Variants in ITPKC observed in about 807,000 individuals in gnomAD.
The protein encoded by ITPKC is inositol-trisphosphate 3-kinase C.
A neutral mutation model predicts 67.1 loss-of-function variants in ITPKC; 33 were observed. That is an observed-to-expected ratio of 0.49 (90% confidence interval 0.37 to 0.66). The LOEUF is 0.66. ITPKC is among the 30% of genes least tolerant of loss of function. ITPKC has a pLI of 0.00. For missense variants in ITPKC, 820 were observed against 892.1 expected (o/e 0.92, Z 1.03); for synonymous variants, 341 against 359.8 (o/e 0.95, Z 0.59).
rs553782619 is a variant in ITPKC at position 40,725,063 on chromosome 19, A to T, written c.1156-277A>T. ...CCTTACTCATAAGATCCTTACTCAT[A>T]AGAGAAGGACAGAGAGACATAGATA... On this transcript the variant is annotated intron_variant, in intron 1 of 6. Transcript: ENST00000263370. 1.3e-5 allele frequency among the ~76,000 whole-genome samples: 2 copies of T among 152,288 alleles called. 1 individual carries two copies. The highest frequency in any genetic ancestry group is 3.9e-4 in the East Asian group (2 of 5,194).
At position 40,717,686 on chromosome 19, in the gene ITPKC, A is replaced by T; in HGVS notation, c.551A>T (p.Gln184Leu). Reference sequence around the variant, plus strand: ...CTGGAAACGCATGGGTCACAGACTCAGCCAGAGAGGGTCAAGTCCTGGGCT... The same window carrying T: ...CTGGAAACGCATGGGTCACAGACTCTGCCAGAGAGGGTCAAGTCCTGGGCT... ...TELETHGSQT[Q>L]PERVKSWADN... Residue 184 changes from glutamine to leucine, a missense_variant, in exon 1 of 7, where the codon CAG becomes CTG. Gln to Leu is a moderately radical substitution (Grantham distance 113, BLOSUM62 -2). Transcript: ENST00000263370. The T allele has an allele frequency of 6.2e-7, 1 of 1,614,102 alleles. No individual in the cohort carries two copies. The highest frequency in any genetic ancestry group is 8.5e-7 in the Non-Finnish European group (1 of 1,179,988).
intron 3 of ITPKC, among the ~76,000 whole-genome samples, chr19:40,731,672 C>A (rs998349118): frequency 6.8e-6 from 1 of 147,704 alleles, no homozygotes; most frequent in African/African-American, 2.5e-5. Flanking sequence ...GCCTGATCCG[C>A]CCGCCTTGGC....
chr19:40,725,825 CA>C (rs1449159092), intron 2 of ITPKC, among the ~76,000 whole-genome samples: 1 of 152,114 alleles, frequency 6.6e-6, no homozygotes, highest in African/African-American at 2.4e-5. Flanking sequence ...AGATTGAGGC[CA>C]GGCACGGTGG....
chr19:40,737,848 C>T, intron 6 of ITPKC, 79 bp downstream of exon 6: 2 of 1,220,832 alleles, frequency 1.6e-6, no homozygotes, highest in Non-Finnish European at 2.4e-6. Flanking sequence ...TGATGAGTTA[C>T]AGGTCAAAGA....
chr19:40,732,708 A>G (rs1429647193), intron 3 of ITPKC, among the ~76,000 whole-genome samples: 1 of 152,064 alleles, frequency 6.6e-6, no homozygotes, highest in Non-Finnish European at 1.5e-5. Flanking sequence ...TTGGGGTTAC[A>G]GATGTGAACA....
At position 40,717,389 on chromosome 19, in the gene ITPKC, C is replaced by T. The variant is rs759609988; in HGVS notation, c.254C>T (p.Pro85Leu). Residue 85 changes from proline (P) to leucine (L), a missense_variant, in exon 1 of 7, where the codon CCG becomes CTG. Around this residue, in one of 2 missense-constraint regions of ITPKC, gnomAD observed 481 missense variants for 470.1 expected, o/e 1.02. Transcript: ENST00000263370. ...GGGCCTGCGCCGGGGACAGAGAGTC[C>T]GCAGGCAGAATTCTGGACAGACGGA... ...GLGPAPGTESPQAEFWTDGQT... is the reference protein window; with the variant it reads ...GLGPAPGTESLQAEFWTDGQT... 1 of 1,613,380 alleles carries T rather than the reference C, an allele frequency of 6.2e-7. No individual in the cohort carries two copies. The highest frequency in any genetic ancestry group is 8.5e-7 in the Non-Finnish European group (1 of 1,179,960).
chr19:40,737,674 C>T (rs1055346078), intron 5 of ITPKC, 24 bp from the exon 6 acceptor site: 1 of 1,611,912 alleles, frequency 6.2e-7, no homozygotes, highest in Non-Finnish European at 8.5e-7. Flanking sequence ...CCATGCTAAC[C>T]AAAGAACGCT....
intron 1 of ITPKC, among the ~76,000 whole-genome samples, chr19:40,719,011 G>A (rs868758252): frequency 2.0e-5 from 3 of 152,220 alleles, no homozygotes; most frequent in African/African-American, 7.2e-5. Context: ...CGGCCGGGCA[G>A]GTTCAGGGAG....
chr19:40,720,920 T>A (rs2082219058), intron 1 of ITPKC, among the ~76,000 whole-genome samples: 1 of 152,112 alleles, frequency 6.6e-6, no homozygotes, highest in African/African-American at 2.4e-5. Context: ...CCTGTCCTTT[T>A]TTTAAAATTG....
chr19:40,731,348 C>T (rs1005660203), intron 3 of ITPKC, among the ~76,000 whole-genome samples: 2 of 152,208 alleles, frequency 1.3e-5, no homozygotes, highest in African/African-American at 4.8e-5. Context: ...CTAATTGATA[C>T]TTGATGACCT....
Position 40,733,178 on chromosome 19 carries a change from G to A in ITPKC, c.1488G>A (p.Glu496=). The A allele has an allele frequency of 8.1e-6, 13 of 1,614,204 alleles. No individual in the cohort carries two copies. The highest frequency in any genetic ancestry group is 1.1e-5 in the Non-Finnish European group (13 of 1,180,016). ...TGCTCAGGACCTATCTGGAAGAGGA[G>A]CTAGTGAAGGCACGGGAACGTCCCC... The part of the protein sequence containing the change: ...KMGSRTYLEE[E]LVKARERPRP... Residue 496 remains glutamate (E), a synonymous_variant, in exon 4 of 7, where the codon GAG becomes GAA. Coordinates refer to ENST00000263370, the MANE Select transcript of ITPKC (RefSeq NM_025194.3).
At chr19:40,732,810 ATTATGTTTTC>A (rs1388062249) in intron 3 of ITPKC, among the ~76,000 whole-genome samples, 2 of 152,112 alleles carry the variant, frequency 1.3e-5, no homozygotes, top group African/African-American at 2.4e-5. Context: ...TCATGCAAAT[ATTATGTTTTC>A]TTCTACAAGC....
chr19:40,737,193 C>T (rs767643150), intron 5 of ITPKC, 106 bp downstream of exon 5: 19 of 802,820 alleles, frequency 2.4e-5, no homozygotes, highest in African/African-American at 3.4e-5. Flanking sequence ...TGGACTGATA[C>T]TGGCTGGCTT....
chr19:40,732,662 G>A (rs2082277221), intron 3 of ITPKC, among the ~76,000 whole-genome samples: 1 of 151,984 alleles, frequency 6.6e-6, no homozygotes, highest in Non-Finnish European at 1.5e-5. Flanking sequence ...GACTTTCTGG[G>A]CTCAAGTGAA....
In ITPKC at chr19:40,717,340, A is replaced by G; in HGVS notation, c.205A>G (p.Ser69Gly). The G allele has an allele frequency of 6.2e-7, 1 of 1,607,578 alleles. No homozygotes were observed. The highest frequency in any genetic ancestry group is 8.5e-7 in the Non-Finnish European group (1 of 1,178,230). The change falls in exon 1 of 7, where the codon AGC becomes GGC. Residue 69 changes from serine to glycine, a missense_variant. Coordinates refer to ENST00000263370, the MANE Select transcript of ITPKC (RefSeq NM_025194.3). ...WARTEGSSLH[S>G]EPERAGLGPA... ...CCGGACAGAGGGGTCCAGCCTCCAC[A>G]GCGAGCCTGAGAGGGCCGGCCTCGG... is the stretch of plus-strand genomic sequence containing the variant.
At position 40,729,379 on chromosome 19, in the gene ITPKC, A is replaced by C. The variant is rs2082260287; in HGVS notation, c.1433A>C (p.Glu478Ala). 3.1e-6 allele frequency: 5 copies of C among 1,613,562 alleles called. No homozygotes were observed. The highest frequency in any genetic ancestry group is 4.2e-6 in the Non-Finnish European group (5 of 1,179,876). The stretch of plus-strand genomic sequence containing the variant: ...ATGGAAGACCTCCTGGCTGACTTTG[A>C]GGGCCCCTCCATTATGGACTGCAAG... The part of the protein sequence containing the change: ...NQMEDLLADF[E>A]GPSIMDCKMG... The change falls in exon 3 of 7, where the codon GAG becomes GCG. Residue 478 changes from glutamate (E) to alanine (A), a missense_variant. Glu to Ala is a moderately radical substitution (Grantham distance 107). This residue lies in a region of ITPKC where 339 missense variants were observed against 422.0 expected (regional missense o/e 0.80). Coordinates refer to ENST00000263370, the MANE Select transcript of ITPKC (RefSeq NM_025194.3).
At position 40,718,143 on chromosome 19, in the gene ITPKC, C is replaced by T; in HGVS notation, c.1008C>T (p.Thr336=). 1 of 1,606,350 alleles carries T rather than the reference C, an allele frequency of 6.2e-7. No individual in the cohort carries two copies. The highest frequency in any genetic ancestry group is 8.5e-7 in the Non-Finnish European group (1 of 1,176,900). ...PVPRLIITPE[T]PEPEAQPVGP... is the part of the protein sequence containing the mutation. ...CCCGCCTCATCATTACCCCTGAGAC[C>T]CCTGAGCCTGAGGCCCAGCCAGTGG... Residue 336 remains threonine (T), a synonymous_variant, in exon 1 of 7, where the codon ACC becomes ACT. Coordinates refer to ENST00000263370, the MANE Select transcript of ITPKC (RefSeq NM_025194.3).
At chr19:40,732,514 C>T (rs1264554376) in intron 3 of ITPKC, among the ~76,000 whole-genome samples, 3 of 63,616 alleles carry the variant, frequency 4.7e-5, no homozygotes, top group Non-Finnish European at 6.2e-5. Flanking sequence ...CTAGCTCGGG[C>T]GGGCGTCAAA....
chr19:40,732,204 T>C (rs1428512669), intron 3 of ITPKC, among the ~76,000 whole-genome samples: 10 of 140,956 alleles, frequency 7.1e-5, no homozygotes, highest in South Asian at 4.5e-4. Context: ...CACGCCACTG[T>C]ACTCCAGCCT....
Sources: gnomAD v4.1 joint callset for allele counts (sites outside exome capture counted in the v4.1 genomes callset) on GRCh38, gnomAD v4.1.1 for gene constraint, gnomAD v4.1.1 regional missense constraint, MANE v1.5 for transcripts, NCBI Gene and HGNC (gene_info 2026-07-23, HGNC 2026-07-21) for gene names.